Variants in SGPP2 observed in about 807,000 individuals in gnomAD.
SGPP2 encodes the protein sphingosine-1-phosphate phosphatase 2.
SGPP2 carries 30 observed loss-of-function variants against 33.9 expected under a neutral mutation model. The ratio of observed to expected loss-of-function variants is 0.89; its 90% CI spans 0.66 to 1.20. The LOEUF is 1.20. Among genes scored for constraint, SGPP2 ranks in the 50% most tolerant of loss-of-function variants. The pLI is 0.00. For synonymous variants in SGPP2, 233 were observed against 225.0 expected, an observed-to-expected ratio of 1.04 and a Z score of -0.32; for missense variants, 458 against 532.1, an observed-to-expected ratio of 0.86 and a Z score of 1.37.
At chr2:222,479,224 A>G (rs1697992775) in intron 2 of SGPP2, among the ~76,000 whole-genome samples, 1 of 152,152 alleles carries the variant, frequency 6.6e-6, no homozygotes, top group Non-Finnish European at 1.5e-5. Context: ...GAACGCAGCT[A>G]AGTAGCATAA....
chr2:222,448,750 G>C (rs1161563547), intron 1 of SGPP2, among the ~76,000 whole-genome samples: 4 of 152,204 alleles, frequency 2.6e-5, no homozygotes, highest in African/African-American at 7.2e-5. Context: ...ATAAGGCACT[G>C]TGTTCCCCTG....
chr2:222,454,348 G>A (rs560480860), intron 1 of SGPP2, among the ~76,000 whole-genome samples: 1 of 152,300 alleles, frequency 6.6e-6, no homozygotes, highest in South Asian at 2.1e-4. Context: ...GATTTGACTT[G>A]GAGAAAAGCA....
At chr2:222,466,087 A>G (rs1401192331) in intron 1 of SGPP2, among the ~76,000 whole-genome samples, 1 of 152,100 alleles carries the variant, frequency 6.6e-6, no homozygotes, top group Non-Finnish European at 1.5e-5. Context: ...TGAAGTCAGG[A>G]GTTCAAGACC....
rs1294442708 is a variant in SGPP2, at chr2:222,484,436, G to C, written c.378+9710G>C. 3.9e-5 allele frequency among the ~76,000 whole-genome samples: 6 copies of C among 152,158 alleles called. 1 individual carries two copies. Among genetic ancestry groups the C allele is most frequent in the African/African-American group, 1.2e-4 (5 of 41,406 alleles). ...GGGTAATGGCTTTAAAGCTTTGTCAGGTAGAAAATTGTTTGGATCATCAGG... is the reference window on the plus strand; with the variant it reads ...GGGTAATGGCTTTAAAGCTTTGTCACGTAGAAAATTGTTTGGATCATCAGG... On this transcript the variant is annotated intron_variant, in intron 2 of 4. Coordinates refer to ENST00000321276, the MANE Select transcript of SGPP2 (RefSeq NM_152386.4).
At chr2:222,448,764 G>A (rs1697434060) in intron 1 of SGPP2, among the ~76,000 whole-genome samples, 1 of 152,164 alleles carries the variant, frequency 6.6e-6, no homozygotes, top group African/African-American at 2.4e-5. Context: ...TCCCCTGATG[G>A]CATATTTCTG....
At chr2:222,536,197 C>T (rs959868684) in intron 4 of SGPP2, among the ~76,000 whole-genome samples, 1 of 152,156 alleles carries the variant, frequency 6.6e-6, no homozygotes, top group African/African-American at 2.4e-5. Flanking sequence ...TGAAGTTTTT[C>T]CATAGCTTAT....
At chr2:222,451,346 C>T (rs1051834448) in intron 1 of SGPP2, among the ~76,000 whole-genome samples, 1 of 152,206 alleles carries the variant, frequency 6.6e-6, no homozygotes, top group African/African-American at 2.4e-5. Context: ...CAACTTCTCA[C>T]CCCATTGATG....
intron 4 of SGPP2, among the ~76,000 whole-genome samples, chr2:222,538,561 A>G (rs1166542223): frequency 2.6e-5 from 4 of 152,192 alleles, no homozygotes; most frequent in Admixed American, 6.5e-5. Context: ...AGTTTGTGCC[A>G]AGTCCTCTGC....
chr2:222,548,296 C>T (rs1173986991), intron 4 of SGPP2, among the ~76,000 whole-genome samples: 1 of 152,220 alleles, frequency 6.6e-6, no homozygotes, highest in Admixed American at 6.5e-5. Context: ...TCTTAACACA[C>T]TTATAGAAAA....
chr2:222,463,291 T>C (rs1423657905), intron 1 of SGPP2, among the ~76,000 whole-genome samples: 1 of 152,192 alleles, frequency 6.6e-6, no homozygotes, highest in Non-Finnish European at 1.5e-5. Context: ...GTCTTTACCA[T>C]CTTGGATTCC....
intron 2 of SGPP2, among the ~76,000 whole-genome samples, chr2:222,489,874 A>G (rs1207036371): frequency 6.6e-6 from 1 of 152,206 alleles, no homozygotes; most frequent in African/African-American, 2.4e-5. Flanking sequence ...CTGAGGCAGG[A>G]GAATCACTTG....
chr2:222,449,493 G>A (rs1309489173), intron 1 of SGPP2, among the ~76,000 whole-genome samples: 1 of 139,534 alleles, frequency 7.2e-6, no homozygotes, highest in Non-Finnish European at 1.5e-5. Context: ...TTTTTGAGAC[G>A]GAGTCTCGCT....
intron 2 of SGPP2, among the ~76,000 whole-genome samples, chr2:222,511,396 A>C (rs1280046276): frequency 6.6e-6 from 1 of 152,218 alleles, no homozygotes; most frequent in Non-Finnish European, 1.5e-5. Context: ...CGGGACCTCC[A>C]TGCCATCCTT....
intron 1 of SGPP2, chr2:222,452,921 A>G: frequency 6.3e-7 from 1 of 1,582,784 alleles, no homozygotes; most frequent in African/African-American, 1.3e-5. Flanking sequence ...GGATATTGGA[A>G]AGTTCTTGCA....
rs955707637 is a variant in SGPP2, at chr2:222,560,735, A to T, written c.*1837A>T. 1.3e-5 allele frequency: 2 copies of T among 152,086 alleles called. No homozygotes were observed. The highest frequency in any genetic ancestry group is 2.9e-5 in the Non-Finnish European group (2 of 68,026). 9.4% of individuals were successfully genotyped at this position (152,086 alleles called of 1,614,324 possible). ...TAACGTGTTAAAACCGAAAAATCAC[A>T]TTTTTCTTGATTTCAAATATGTTCT... On this transcript the variant is annotated 3_prime_UTR_variant, in exon 5 of 5. Coordinates refer to ENST00000321276, the MANE Select transcript of SGPP2 (RefSeq NM_152386.4).
At chr2:222,554,479 A>G (rs1290081442) in intron 4 of SGPP2, among the ~76,000 whole-genome samples, 1 of 152,240 alleles carries the variant, frequency 6.6e-6, no homozygotes, top group African/African-American at 2.4e-5. Context: ...GTGAGCAGTT[A>G]TATCTCTAAG....
At chr2:222,458,752 A>T (rs779525504) in intron 1 of SGPP2, among the ~76,000 whole-genome samples, 2 of 152,142 alleles carry the variant, frequency 1.3e-5, no homozygotes, top group Non-Finnish European at 2.9e-5. Context: ...CATCACCCCA[A>T]AAAGAAACCC....
chr2:222,545,428 T>A (rs1353127917), intron 4 of SGPP2, among the ~76,000 whole-genome samples: 2 of 152,034 alleles, frequency 1.3e-5, no homozygotes, highest in African/African-American at 4.8e-5. Flanking sequence ...ATTACAGACA[T>A]GTGCCACCAC....
intron 1 of SGPP2, among the ~76,000 whole-genome samples, chr2:222,451,447 G>A (rs1697487240): frequency 6.6e-6 from 1 of 152,212 alleles, no homozygotes; most frequent in Non-Finnish European, 1.5e-5. Flanking sequence ...TCTCATAAGT[G>A]TGTACAGAAT....
Sources: gnomAD v4.1 joint callset for allele counts (sites outside exome capture counted in the v4.1 genomes callset) on GRCh38, gnomAD v4.1.1 for gene constraint, MANE v1.5 for transcripts, NCBI Gene and HGNC (gene_info 2026-07-23, HGNC 2026-07-21) for gene names.